The following CENPB variants were observed in gnomAD, a reference collection of about 807,000 sequenced individuals.
CENPB encodes major centromere autoantigen B.
A neutral mutation model predicts 41.9 loss-of-function variants in CENPB; 19 were observed. The ratio of observed to expected loss-of-function variants is 0.45; its 90% CI spans 0.32 to 0.67. The LOEUF (loss-of-function observed/expected upper bound fraction) is 0.67, where lower values mean the gene tolerates loss of function less well. CENPB is among the 30% of genes least tolerant of loss of function. The pLI is 0.04. For synonymous variants in CENPB, 399 were observed against 354.4 expected (o/e 1.13, Z -1.41); for missense variants, 614 against 816.2 (o/e 0.75, Z 3.02).
rs770189587 is a variant in CENPB at position 3,786,497 on chromosome 20, C to T, written c.-14G>A. On this transcript the variant is annotated 5_prime_UTR_variant, in exon 1 of 1. Transcript: ENST00000379751. ...CTTGGGGCCCATCCCGGCGCGCCCC[C>T]CGCCCCGGGGCCCGGCGCCGCCGCC... 1 of 1,150,294 alleles carries T rather than the reference C, an allele frequency of 8.7e-7. No homozygotes were observed. Among genetic ancestry groups the T allele is most frequent in the Non-Finnish European group, 1.1e-6 (1 of 888,294 alleles). 71.3% of individuals were successfully genotyped at this position (1,150,294 alleles called of 1,614,324 possible).
rs2088822222 is a variant in CENPB, at chr20:3,786,109, G to A, written c.375C>T (p.Arg125=). 1.9e-6 allele frequency: 3 copies of A among 1,594,462 alleles called. No homozygotes were observed. Among genetic ancestry groups the A allele is most frequent in the Admixed American group, 1.7e-5 (1 of 59,840 alleles). ...ACACCACGCCGTGGCGCCGGCGGAA[G>A]CGGTCCAGCCAGCCGTTGGAGGCGG... ...DFTASNGWLD[R]FRRRHGVVSC... Residue 125 remains arginine (R), a synonymous_variant, in exon 1 of 1, where the codon CGC becomes CGT. Coordinates refer to ENST00000379751, the MANE Select transcript of CENPB (RefSeq NM_001810.6).
Position 3,784,967 on chromosome 20 carries a change from C to A in CENPB, c.1517G>T (p.Gly506Val), listed in dbSNP as rs2088804697. The change falls in exon 1 of 1, where the codon GGT becomes GTT. Residue 506 changes from glycine to valine, a missense_variant. By Grantham distance (109) the Gly-to-Val change is moderately radical (BLOSUM62 -3). Transcript: ENST00000379751. This position sits in a 1 kb window ranked among gnomAD's most constrained non-coding sequence, Gnocchi z 5.2. Reference protein sequence around the residue: ...AQCPTLHFLEGGEDSDSDSEE... With the variant: ...AQCPTLHFLEVGEDSDSDSEE... ...ACTGTCTGAATCAGAGTCCTCCCCA[C>A]CTTCCAGGAAATGCAGAGTAGGGCA... 2.5e-6 allele frequency: 4 copies of A among 1,613,908 alleles called. No homozygotes were observed. Among genetic ancestry groups the A allele is most frequent in the Non-Finnish European group, 3.4e-6 (4 of 1,180,000 alleles).
Position 3,785,799 on chromosome 20 carries a change from G to A in CENPB, c.685C>T (p.Leu229=), listed in dbSNP as rs767421155. Residue 229 remains leucine (L), a synonymous_variant, in exon 1 of 1, where the codon CTA becomes TTA. Transcript: ENST00000379751. ...RQATQRLSVL[L]CANADGSEKL... is the part of the protein sequence containing the mutation. ...TCGCTGCCGTCGGCATTGGCGCATA[G>A]CAGGACGCTCAGGCGCTGGGTGGCT... The A allele has an allele frequency of 1.2e-6, 2 of 1,609,910 alleles. No individual in the cohort carries two copies. The highest frequency in any genetic ancestry group is 1.1e-5 in the South Asian group (1 of 90,930).
rs1162911059 is a variant in CENPB at position 3,785,187 on chromosome 20, C to T, written c.1297G>A (p.Glu433Lys). Residue 433 changes from glutamate (E) to lysine (K), a missense_variant, in exon 1 of 1, where the codon GAG becomes AAG. Glu to Lys is a moderately conservative substitution (Grantham distance 56, BLOSUM62 1). Transcript: ENST00000379751. Reference protein sequence around the residue: ...EEEEEEGEEEEEEGGEGEELG... With the variant: ...EEEEEEGEEEKEEGGEGEELG... ...TCCTCTCCTTCCCCCCCTTCCTCCTCCTCCTCCTCCCCTTCCTCCTCCTCT... is the reference window on the plus strand; with the variant it reads ...TCCTCTCCTTCCCCCCCTTCCTCCTTCTCCTCCTCCCCTTCCTCCTCCTCT... 5 of 1,227,932 alleles carry T rather than the reference C, an allele frequency of 4.1e-6. No homozygotes were observed. Among genetic ancestry groups the T allele is most frequent in the Admixed American group, 4.5e-5 (2 of 44,482 alleles). The allele number at this position is 1,227,932 out of a possible 1,614,324, so 76.1% of individuals were successfully genotyped here.
Position 3,786,478 on chromosome 20 carries a change from G to A in CENPB, c.6C>T (p.Gly2=). M[G]PKRRQLTFRE... ...GGAACGTCAGCTGTCGCCTCTTGGG[G>A]CCCATCCCGGCGCGCCCCCCGCCCC... The change falls in exon 1 of 1, where the codon GGC becomes GGT. Residue 2 remains glycine, a synonymous_variant. Coordinates refer to ENST00000379751, the MANE Select transcript of CENPB (RefSeq NM_001810.6). 2 of 1,374,316 alleles carry A rather than the reference G, an allele frequency of 1.5e-6. No individual in the cohort carries two copies. The highest frequency in any genetic ancestry group is 1.9e-6 in the Non-Finnish European group (2 of 1,043,068). The allele number at this position is 1,374,316 out of a possible 1,614,324, so 85.1% of individuals were successfully genotyped here.
chr20:3,784,503 G>T lies in CENPB; in HGVS notation c.*181C>A. ...GAGAAAGAGGCAATAAGCAGGCAGT[G>T]AGGCTGACCTCAGCCCCGGGCCCGG... On this transcript the variant is annotated 3_prime_UTR_variant, in exon 1 of 1. Coordinates refer to ENST00000379751, the MANE Select transcript of CENPB (RefSeq NM_001810.6). This position sits in a 1 kb window ranked among gnomAD's most constrained non-coding sequence, Gnocchi z 5.2. The T allele has an allele frequency of 1.5e-6, 1 of 662,854 alleles. No homozygotes were observed. The highest frequency in any genetic ancestry group is 2.6e-6 in the Non-Finnish European group (1 of 387,730). The allele number at this position is 662,854 out of a possible 1,614,324, so 41.1% of individuals were successfully genotyped here. A position where few individuals can be genotyped will look rare whatever the true frequency, so the allele number is the denominator to read the frequency against.
rs779861161 is a variant in CENPB at position 3,786,483 on chromosome 20, TCCCGGCGCGCCCCCCGCCCCGGGG to T, written c.-24_-1del. 8.5e-7 allele frequency: 1 copy of T among 1,173,136 alleles called. No individual in the cohort carries two copies. The highest frequency in any genetic ancestry group is 1.1e-6 in the Non-Finnish European group (1 of 886,714). The allele number at this position is 1,173,136 out of a possible 1,614,324, so 72.7% of individuals were successfully genotyped here. A position where few individuals can be genotyped will look rare whatever the true frequency, so the allele number is the denominator to read the frequency against. ...GTCAGCTGTCGCCTCTTGGGGCCCA[TCCCGGCGCGCCCCCCGCCCCGGGG>T]CCCGGCGCCGCCGCCGCCGCCCCGG... On this transcript the variant is annotated 5_prime_UTR_variant, in exon 1 of 1. Coordinates refer to ENST00000379751, the MANE Select transcript of CENPB (RefSeq NM_001810.6).
Position 3,785,999 on chromosome 20 carries a change from G to A in CENPB, c.485C>T (p.Ser162Leu), listed in dbSNP as rs1257221408. Residue 162 changes from serine to leucine, a missense_variant, in exon 1 of 1, where the codon TCG (serine) becomes TTG (leucine). Physicochemically the swap from Ser to Leu is moderately radical, Grantham distance 145. This residue lies in a region of CENPB where 537 missense variants were observed against 629.4 expected (regional missense o/e 0.85). Coordinates refer to ENST00000379751, the MANE Select transcript of CENPB (RefSeq NM_001810.6). ...AGTAGTGCTCCCGCCACTGCCCTCC[G>A]AGGGCACCGCGGCCGGACTGGCAGG... ...AAPASPAAVPSEGSGGSTTGW... is the reference protein window; with the variant it reads ...AAPASPAAVPLEGSGGSTTGW... The A allele has an allele frequency of 1.3e-6, 2 of 1,482,560 alleles. No individual in the cohort carries two copies. The highest frequency in any genetic ancestry group is 2.7e-5 in the East Asian group (1 of 37,480). 91.8% of individuals were successfully genotyped at this position (1,482,560 alleles called of 1,614,324 possible).
In CENPB at chr20:3,785,062, C is replaced by T. The variant is rs755170043; in HGVS notation, c.1422G>A (p.Glu474=). The change falls in exon 1 of 1, where the codon GAG becomes GAA. Residue 474 remains glutamate, a synonymous_variant. Transcript: ENST00000379751. The part of the protein sequence containing the change: ...EESSSEGLEA[E]DWAQGVVEAG... ...CCTCCACTACTCCCTGGGCCCAGTC[C>T]TCAGCCTCCAAGCCCTCCGAGGAGC... The T allele has an allele frequency of 6.2e-7, 1 of 1,614,032 alleles. No homozygotes were observed. The highest frequency in any genetic ancestry group is 1.1e-5 in the South Asian group (1 of 91,064).
Position 3,784,490 on chromosome 20 carries a change from A to C in CENPB, c.*194T>G. ...GAAAGAGGATTCTGAGAAAGAGGCAATAAGCAGGCAGTGAGGCTGACCTCA... is the reference window on the plus strand; with the variant it reads ...GAAAGAGGATTCTGAGAAAGAGGCACTAAGCAGGCAGTGAGGCTGACCTCA... On this transcript the variant is annotated 3_prime_UTR_variant, in exon 1 of 1. Coordinates refer to ENST00000379751, the MANE Select transcript of CENPB (RefSeq NM_001810.6). The surrounding 1 kb of genome is among the most constrained non-coding windows in gnomAD (Gnocchi z 5.2). 1 of 619,412 alleles carries C rather than the reference A, an allele frequency of 1.6e-6. No homozygotes were observed. The highest frequency in any genetic ancestry group is 2.8e-6 in the Non-Finnish European group (1 of 355,584). The allele number at this position is 619,412 out of a possible 1,614,324, so 38.4% of individuals were successfully genotyped here.
rs2088821458 is a variant in CENPB at position 3,786,065 on chromosome 20, C to A, written c.419G>T (p.Arg140Leu). The change falls in exon 1 of 1, where the codon CGC becomes CTC. Residue 140 changes from arginine to leucine, a missense_variant. Arg to Leu is a moderately radical substitution (Grantham distance 102). Coordinates refer to ENST00000379751, the MANE Select transcript of CENPB (RefSeq NM_001810.6). ...HGVVSCSGVA[R>L]ARARNAAPRT... is the part of the protein sequence containing the mutation. ...GGGGGCAGCGTTTCGCGCGCGGGCG[C>A]GGGCCACGCCGCTGCAGGACACCAC... The A allele has an allele frequency of 6.5e-7, 1 of 1,540,088 alleles. No homozygotes were observed. Among genetic ancestry groups the A allele is most frequent in the African/African-American group, 1.4e-5 (1 of 69,822 alleles).
Position 3,784,603 on chromosome 20 carries a change from T to C in CENPB, c.*81A>G, listed in dbSNP as rs566661302. The C allele has an allele frequency of 1.5e-5, 22 of 1,515,802 alleles. No individual in the cohort carries two copies. In the South Asian group the frequency reaches 2.3e-4, roughly 16 times the overall value. The allele number at this position is 1,515,802 out of a possible 1,614,324, so 93.9% of individuals were successfully genotyped here. A position where few individuals can be genotyped will look rare whatever the true frequency, so the allele number is the denominator to read the frequency against. ...TCTGGGGCTCTGCACTCTGGCTCCA[T>C]GCACAGCGGGTGCCCAGAGAGTCCT... On this transcript the variant is annotated 3_prime_UTR_variant, in exon 1 of 1. Transcript: ENST00000379751. This position sits in a 1 kb window ranked among gnomAD's most constrained non-coding sequence, Gnocchi z 5.2.
At position 3,785,968 on chromosome 20, in the gene CENPB, C is replaced by A. The variant is rs1329456527; in HGVS notation, c.516G>T (p.Trp172Cys). ...ACGGCGGCTGCTCCTCCCGAGCGCGCCAACCAGTAGTGCTCCCGCCACTGC... is the reference window on the plus strand; with the variant it reads ...ACGGCGGCTGCTCCTCCCGAGCGCGACAACCAGTAGTGCTCCCGCCACTGC... Reference protein sequence around the residue: ...SEGSGGSTTGWRAREEQPPSV... With the variant: ...SEGSGGSTTGCRAREEQPPSV... The change falls in exon 1 of 1, where the codon TGG (tryptophan) becomes TGT (cysteine). Residue 172 changes from tryptophan to cysteine, a missense_variant. By Grantham distance (215) the Trp-to-Cys change is radical. Transcript: ENST00000379751. 6 of 1,554,700 alleles carry A rather than the reference C, an allele frequency of 3.9e-6. No homozygotes were observed. The African/African-American group carries it at 6.9e-5, about 18-fold the overall frequency.
Position 3,786,542 on chromosome 20 carries a change from C to A in CENPB, c.-59G>T, listed in dbSNP as rs1021553230. On this transcript the variant is annotated 5_prime_UTR_variant, in exon 1 of 1. Transcript: ENST00000379751. Reference sequence around the variant, plus strand: ...GCCGCCGCCGCCCCGGGGCGGGGGGCCCGGGCCCGTGGCGGGGGGCACCTG... The same window carrying A: ...GCCGCCGCCGCCCCGGGGCGGGGGGACCGGGCCCGTGGCGGGGGGCACCTG... 3 of 523,684 alleles carry A rather than the reference C, an allele frequency of 5.7e-6. No homozygotes were observed. Among genetic ancestry groups the A allele is most frequent in the South Asian group, 1.6e-4 (2 of 12,706 alleles). 32.4% of individuals were successfully genotyped at this position (523,684 alleles called of 1,614,324 possible).
rs1568494218 is a variant in CENPB at position 3,784,669 on chromosome 20, G to T, written c.*15C>A. ...GCTGCCAATCTAGGTTGGGGGCACAGCTAGGTCCAGTGACTCAGCTTTGAT... is the reference window on the plus strand; with the variant it reads ...GCTGCCAATCTAGGTTGGGGGCACATCTAGGTCCAGTGACTCAGCTTTGAT... On this transcript the variant is annotated 3_prime_UTR_variant, in exon 1 of 1. Coordinates refer to ENST00000379751, the MANE Select transcript of CENPB (RefSeq NM_001810.6). The surrounding 1 kb of genome is among the most constrained non-coding windows in gnomAD (Gnocchi z 5.2). 1 of 1,613,036 alleles carries T rather than the reference G, an allele frequency of 6.2e-7. No homozygotes were observed. The highest frequency in any genetic ancestry group is 8.5e-7 in the Non-Finnish European group (1 of 1,179,490).
chr20:3,785,591 C>A lies in CENPB; in HGVS notation c.893G>T (p.Arg298Leu), dbSNP rs868826693. 2 of 1,600,972 alleles carry A rather than the reference C, an allele frequency of 1.2e-6. No homozygotes were observed. Among genetic ancestry groups the A allele is most frequent in the South Asian group, 1.1e-5 (1 of 89,502 alleles). ...ESRRVLLLAG[R>L]LAAQSLDTSG... ...GGTGTCCAAGGACTGGGCAGCCAAG[C>A]GGCCGGCCAACAGCAGGACCCGGCG... Residue 298 changes from arginine to leucine, a missense_variant, in exon 1 of 1, where the codon CGC becomes CTC. By Grantham distance (102) the Arg-to-Leu change is moderately radical. Around this residue, in one of 2 missense-constraint regions of CENPB, gnomAD observed 537 missense variants for 629.4 expected, o/e 0.85. Transcript: ENST00000379751.
Position 3,784,916 on chromosome 20 carries a change from T to C in CENPB, c.1568A>G (p.Asp523Gly), listed in dbSNP as rs866979432. 1 of 1,613,726 alleles carries C rather than the reference T, an allele frequency of 6.2e-7. No individual in the cohort carries two copies. Among genetic ancestry groups the C allele is most frequent in the Non-Finnish European group, 8.5e-7 (1 of 1,179,692 alleles). ...ATCATCGTCGTCTTCATCTTCATCATCCTCTTCCTCATCGTCCTCTTCCTC... is the reference window on the plus strand; with the variant it reads ...ATCATCGTCGTCTTCATCTTCATCACCCTCTTCCTCATCGTCCTCTTCCTC... ...DSEEEDDEEEDDEDEDDDDDE... is the reference protein window; with the variant it reads ...DSEEEDDEEEGDEDEDDDDDE... Residue 523 changes from aspartate (D) to glycine (G), a missense_variant, in exon 1 of 1, where the codon GAT becomes GGT. Physicochemically the swap from Asp to Gly is moderately conservative, Grantham distance 94. Around this residue, in one of 2 missense-constraint regions of CENPB, gnomAD observed 537 missense variants for 629.4 expected, o/e 0.85. Coordinates refer to ENST00000379751, the MANE Select transcript of CENPB (RefSeq NM_001810.6). This position sits in a 1 kb window ranked among gnomAD's most constrained non-coding sequence, Gnocchi z 5.2.
In CENPB at chr20:3,784,537, A is replaced by C; in HGVS notation, c.*147T>G. 1.1e-6 allele frequency: 1 copy of C among 911,438 alleles called. No homozygotes were observed. Among genetic ancestry groups the C allele is most frequent in the African/African-American group, 1.7e-5 (1 of 60,186 alleles). 56.5% of individuals were successfully genotyped at this position (911,438 alleles called of 1,614,324 possible). A position where few individuals can be genotyped will look rare whatever the true frequency, so the allele number is the denominator to read the frequency against. The stretch of plus-strand genomic sequence containing the variant: ...CTCAGCCCCGGGCCCGGCCGAGGTG[A>C]CCGGGCCTGTTGCAGGACCAGGGGA... On this transcript the variant is annotated 3_prime_UTR_variant, in exon 1 of 1. Transcript: ENST00000379751. This position sits in a 1 kb window ranked among gnomAD's most constrained non-coding sequence, Gnocchi z 5.2.
chr20:3,785,198 C>G lies in CENPB; in HGVS notation c.1286G>C (p.Gly429Ala). Residue 429 changes from glycine (G) to alanine (A), a missense_variant, in exon 1 of 1, where the codon GGG (glycine) becomes GCG (alanine). Physicochemically the swap from Gly to Ala is moderately conservative, Grantham distance 60. This residue lies in a region of CENPB where 537 missense variants were observed against 629.4 expected (regional missense o/e 0.85). Transcript: ENST00000379751. Reference sequence around the variant, plus strand: ...CCCCCCTTCCTCCTCCTCCTCCTCCCCTTCCTCCTCCTCTTCCTCTCCTTC... The same window carrying G: ...CCCCCCTTCCTCCTCCTCCTCCTCCGCTTCCTCCTCCTCTTCCTCTCCTTC... ...EGEGEEEEEE[G>A]EEEEEEGGEG... The G allele has an allele frequency of 7.8e-7, 1 of 1,283,364 alleles. No individual in the cohort carries two copies. Among genetic ancestry groups the G allele is most frequent in the Non-Finnish European group, 1.0e-6 (1 of 976,750 alleles). The allele number at this position is 1,283,364 out of a possible 1,614,324, so 79.5% of individuals were successfully genotyped here. A position where few individuals can be genotyped will look rare whatever the true frequency, so the allele number is the denominator to read the frequency against.
Sources: gnomAD v4.1 joint callset for allele counts on GRCh38, gnomAD v4.1.1 for gene constraint, gnomAD v4.1.1 regional missense constraint, Gnocchi (gnomAD v3.1) non-coding constraint, MANE v1.5 for transcripts, NCBI Gene and HGNC (gene_info 2026-07-23, HGNC 2026-07-21) for gene names.